Variants in CHMP1A observed in about 807,000 individuals in gnomAD.
CHMP1A encodes the protein VPS46 homolog A.
Under a neutral mutation model 27.0 loss-of-function variants are expected in CHMP1A, and 17 were observed. The ratio of observed to expected loss-of-function variants is 0.63; its 90% CI spans 0.43 to 0.95. The LOEUF (loss-of-function observed/expected upper bound fraction) is 0.95, where lower values mean the gene tolerates loss of function less well. Among genes scored for constraint, CHMP1A ranks in the 40% least tolerant of loss-of-function variants. The pLI is 0.00. For missense variants in CHMP1A, 275 were observed against 264.0 expected (o/e 1.04, Z -0.29); for synonymous variants, 131 against 107.5 (o/e 1.22, Z -1.35).
chr16:89,653,383 G>A (rs1180057064), intron 2 of CHMP1A, among the ~76,000 whole-genome samples: 5 of 149,598 alleles, frequency 3.3e-5, no homozygotes, highest in Admixed American at 3.3e-4. Context: ...CACTTTAGGA[G>A]GCCGAGGTAG....
intron 1 of CHMP1A, among the ~76,000 whole-genome samples, chr16:89,657,254 G>A (rs1204254609): frequency 2.0e-5 from 3 of 149,464 alleles, no homozygotes; most frequent in African/African-American, 7.4e-5. Flanking sequence ...TCGAGGCCCG[G>A]GAAAAGGGGT....
intron 1 of CHMP1A, among the ~76,000 whole-genome samples, chr16:89,655,508 C>A (rs925881645): frequency 1.3e-5 from 2 of 152,170 alleles, no homozygotes; most frequent in African/African-American, 4.8e-5. Context: ...CTCTTCCAGC[C>A]GTGTGTGGCA....
intron 1 of CHMP1A, among the ~76,000 whole-genome samples, chr16:89,657,376 G>A (rs578004131): frequency 1.3e-5 from 2 of 149,328 alleles, no homozygotes; most frequent in South Asian, 2.2e-4. Context: ...GATGGGGTCC[G>A]GGTCGGGGAT....
chr16:89,646,460 C>A, intron 6 of CHMP1A, 67 bp downstream of exon 6: 1 of 1,453,100 alleles, frequency 6.9e-7, no homozygotes, highest in South Asian at 1.3e-5. Flanking sequence ...AACCCACAAC[C>A]CTCTCTCCCT....
intron 2 of CHMP1A, 131 bp from the exon 3 acceptor site, chr16:89,651,777 GC>G: frequency 1.2e-6 from 1 of 839,018 alleles, no homozygotes; most frequent in Non-Finnish European, 1.8e-6. Context: ...GCCAGCCTGG[GC>G]CCAGCACACC....
Position 89,645,128 on chromosome 16 carries a change from G to A in CHMP1A, c.*938C>T, listed in dbSNP as rs1222223409. ...GCTGCCTTGGCTTCCAAGCTGGGAA[G>A]GCATTGGGGTGTGGTCGGGGAAGGC... On this transcript the variant is annotated 3_prime_UTR_variant, in exon 7 of 7. Transcript: ENST00000397901. 1 of 152,296 alleles carries A rather than the reference G, an allele frequency of 6.6e-6. No individual in the cohort carries two copies. The highest frequency in any genetic ancestry group is 1.5e-5 in the Non-Finnish European group (1 of 68,090). The allele number at this position is 152,296 out of a possible 1,614,324, so 9.4% of individuals were successfully genotyped here. A position where few individuals can be genotyped will look rare whatever the true frequency, so the allele number is the denominator to read the frequency against.
intron 2 of CHMP1A, among the ~76,000 whole-genome samples, chr16:89,653,026 T>C (rs936181571): frequency 1.5e-4 from 22 of 142,100 alleles, no homozygotes; most frequent in African/African-American, 5.2e-4. Context: ...TTTTCTTTTT[T>C]TTTTTTTTTT....
At chr16:89,648,656 C>G (rs905974814) in intron 4 of CHMP1A, among the ~76,000 whole-genome samples, 2 of 152,080 alleles carry the variant, frequency 1.3e-5, no homozygotes, top group African/African-American at 4.8e-5. Context: ...TTTGGGAGGC[C>G]GAGGTGGGAA....
chr16:89,657,321 G>T lies in CHMP1A; in HGVS notation c.7+261C>A, dbSNP rs115266903. Among the ~76,000 whole-genome samples the T allele has an allele frequency of 4.0e-3, 589 of 148,080 alleles. 3 individuals carry two copies. Among genetic ancestry groups the T allele is most frequent in the African/African-American group, 0.014 (561 of 40,092 alleles). On this transcript the variant is annotated intron_variant, in intron 1 of 6. Transcript: ENST00000397901. The stretch of plus-strand genomic sequence containing the variant: ...GGTTCCGGGTCGGGTATCGGGGGAC[G>T]AGGCTCGGGAAAAGGGGTCCCAGGT...
At chr16:89,657,503 G>A in intron 1 of CHMP1A, 79 bp downstream of exon 1, 1 of 1,572,232 alleles carries the variant, frequency 6.4e-7, no homozygotes, top group Admixed American at 1.8e-5. Flanking sequence ...CGCGGCCCCA[G>A]GTGGGCGGAG....
At chr16:89,656,364 C>T (rs2059869908) in intron 1 of CHMP1A, among the ~76,000 whole-genome samples, 2 of 151,544 alleles carry the variant, frequency 1.3e-5, no homozygotes, top group South Asian at 4.2e-4. Flanking sequence ...GTCTCGATCT[C>T]CTGACCTTGC....
Position 89,657,661 on chromosome 16 carries a change from G to T in CHMP1A, c.-73C>A. On this transcript the variant is annotated 5_prime_UTR_variant, in exon 1 of 7. Transcript: ENST00000397901. ...CTCCGGGCGGTGTCAGGTCCCGGCG[G>T]CGATCGAACCGACCAAGCTGCACCC... 6.2e-7 allele frequency: 1 copy of T among 1,600,864 alleles called. No individual in the cohort carries two copies. The highest frequency in any genetic ancestry group is 1.1e-5 in the South Asian group (1 of 89,544).
In CHMP1A at chr16:89,651,595, T is replaced by C; in HGVS notation, c.79A>G (p.Lys27Glu). ...KLAKKAEKDS[K>E]AEQAKVKKAL... ...TTCTTCACTTTGGCCTGCTCCGCCTTGGAGTCCTTCTCCGCCTTCTTGGCC... is the reference window on the plus strand; with the variant it reads ...TTCTTCACTTTGGCCTGCTCCGCCTCGGAGTCCTTCTCCGCCTTCTTGGCC... The change falls in exon 3 of 7, where the codon AAG becomes GAG. Residue 27 changes from lysine (K) to glutamate (E), a missense_variant. Transcript: ENST00000397901. 1 of 1,613,782 alleles carries C rather than the reference T, an allele frequency of 6.2e-7. No homozygotes were observed. Among genetic ancestry groups the C allele is most frequent in the African/African-American group, 1.3e-5 (1 of 75,038 alleles).
intron 1 of CHMP1A, among the ~76,000 whole-genome samples, chr16:89,655,977 G>C (rs1431427062): frequency 6.6e-6 from 1 of 151,002 alleles, no homozygotes; most frequent in Non-Finnish European, 1.5e-5. Context: ...GCCTCCCAGA[G>C]TGCTGGGGTT....
At chr16:89,654,374 G>A (rs1444348091) in intron 1 of CHMP1A, among the ~76,000 whole-genome samples, 1 of 152,210 alleles carries the variant, frequency 6.6e-6, no homozygotes, top group Non-Finnish European at 1.5e-5. Context: ...CGAGGCCAGT[G>A]GATCACTTAA....
intron 3 of CHMP1A, 135 bp from the exon 4 acceptor site, chr16:89,649,632 G>C (rs1480072981): frequency 9.6e-7 from 1 of 1,045,720 alleles, no homozygotes; most frequent in Non-Finnish European, 1.4e-6. Flanking sequence ...CTGGAGTGCA[G>C]TGGCACGATC....
chr16:89,645,930 C>G lies in CHMP1A; in HGVS notation c.*136G>C. On this transcript the variant is annotated 3_prime_UTR_variant, in exon 7 of 7. Transcript: ENST00000397901. ...GGAACAACCCTAAGGCCACGCAGGC[C>G]TGGCAGGTGAGAGACGCAGAGTGGC... is the stretch of plus-strand genomic sequence containing the variant. 1 of 1,611,182 alleles carries G rather than the reference C, an allele frequency of 6.2e-7. No individual in the cohort carries two copies. The highest frequency in any genetic ancestry group is 1.1e-5 in the South Asian group (1 of 90,468).
chr16:89,654,536 G>A (rs258335), intron 1 of CHMP1A, among the ~76,000 whole-genome samples: 69,504 of 150,878 alleles, frequency 0.46, 17,687 homozygotes, highest in Middle Eastern at 0.71. Context: ...CGGTACAGTC[G>A]CTCACGCCTG....
chr16:89,653,373 C>T (rs937370472), intron 2 of CHMP1A, among the ~76,000 whole-genome samples: 1 of 149,336 alleles, frequency 6.7e-6, no homozygotes, highest in African/African-American at 2.4e-5. Context: ...GTAATCCCAG[C>T]ACTTTAGGAG....
Sources: allele counts gnomAD v4.1 joint callset (sites outside exome capture counted in the v4.1 genomes callset), GRCh38; gene constraint gnomAD v4.1.1; transcripts MANE v1.5; gene names NCBI Gene and HGNC (gene_info 2026-07-23, HGNC 2026-07-21).